Variants in NELL2 observed in about 807,000 individuals in gnomAD.
The protein encoded by NELL2 is protein kinase C-binding protein NELL2.
A neutral mutation model predicts 109.6 loss-of-function variants in NELL2; 41 were observed. That is an observed-to-expected ratio of 0.37 (90% CI 0.29 to 0.49). NELL2 has a LOEUF of 0.49. Among genes scored for constraint, NELL2 ranks in the 20% least tolerant of loss-of-function variants. The pLI is 0.98. For missense variants in NELL2, 900 were observed against 1,008.3 expected, an observed-to-expected ratio of 0.89 and a Z score of 1.45; for synonymous variants, 355 against 344.7, an observed-to-expected ratio of 1.03 and a Z score of -0.33.
rs755115938 is a variant in NELL2, at chr12:44,876,100, C to G, written c.-231G>C. 9.7e-6 allele frequency: 13 copies of G among 1,334,914 alleles called. No homozygotes were observed. The Admixed American group carries it at 1.6e-4, about 16-fold the overall frequency. The allele number at this position is 1,334,914 out of a possible 1,614,324, so 82.7% of individuals were successfully genotyped here. A position where few individuals can be genotyped will look rare whatever the true frequency, so the allele number is the denominator to read the frequency against. ...CGCACATCATTCCCACACGCAGGGC[C>G]GAGGCGGCAGCGCGGCCCGGAGGGG... On this transcript the variant is annotated 5_prime_UTR_variant, in exon 1 of 20. Coordinates refer to ENST00000429094, the MANE Select transcript of NELL2 (RefSeq NM_001145108.2).
chr12:44,608,158 G>T (rs188603224), intron 14 of NELL2, among the ~76,000 whole-genome samples: 22 of 152,194 alleles, frequency 1.4e-4, no homozygotes, highest in African/African-American at 5.3e-4. Flanking sequence ...TCCTCAGCCT[G>T]ACAAAGTCTA....
chr12:44,552,806 G>A (rs1410176876), intron 15 of NELL2, among the ~76,000 whole-genome samples: 1 of 152,000 alleles, frequency 6.6e-6, no homozygotes, highest in Non-Finnish European at 1.5e-5. Context: ...TAAAGTTGTT[G>A]CTGTGACTTT....
chr12:44,543,916 T>A (rs1942683980), intron 15 of NELL2, among the ~76,000 whole-genome samples: 1 of 152,130 alleles, frequency 6.6e-6, no homozygotes, highest in Admixed American at 6.6e-5. Context: ...ATACTACTTG[T>A]CTGTCTAGTA....
intron 2 of NELL2, among the ~76,000 whole-genome samples, chr12:44,833,610 G>T (rs978073238): frequency 2.6e-5 from 4 of 152,126 alleles, no homozygotes; most frequent in Admixed American, 2.0e-4. Flanking sequence ...GAAATTCAAT[G>T]AATTTTCTTT....
chr12:44,761,540 T>C (rs1022663994), intron 9 of NELL2, among the ~76,000 whole-genome samples: 1 of 152,070 alleles, frequency 6.6e-6, no homozygotes. Flanking sequence ...TCTACCTAAA[T>C]GAAAAGAAAT....
Position 44,522,078 on chromosome 12 carries a change from C to T in NELL2, c.2097G>A (p.Gln699=). Residue 699 remains glutamine (Q), a synonymous_variant, in exon 18 of 20, where the codon CAG becomes CAA. Coordinates refer to ENST00000429094, the MANE Select transcript of NELL2 (RefSeq NM_001145108.2). ...AAGTTTCCCCATTTTGATGGAGGCA[C>T]TGACTACTAAGCCTTGGGTCACATT... is the stretch of plus-strand genomic sequence containing the variant. The part of the protein sequence containing the change: ...CPECDPRLSS[Q]CLHQNGETLY... 6.2e-7 allele frequency: 1 copy of T among 1,614,130 alleles called. No individual in the cohort carries two copies. The highest frequency in any genetic ancestry group is 1.1e-5 in the South Asian group (1 of 91,074).
At position 44,908,170 on chromosome 12, in the gene NELL2, T is replaced by C. The variant is rs140028689; in HGVS notation, c.38+5629A>G. On this transcript the variant is annotated intron_variant, in intron 1 of 20. Coordinates refer to the NELL2 transcript ENST00000333837. ...TGGCTAGGAAGCATTAAAAGTCTAC[T>C]TGAGTTTAGTGATCAATAATTTGAA... Among the ~76,000 whole-genome samples the C allele has an allele frequency of 5.8e-3, 877 of 152,052 alleles. 5 individuals are homozygous for C. Among genetic ancestry groups the C allele is most frequent in the African/African-American group, 0.02 (844 of 41,500 alleles).
intron 9 of NELL2, among the ~76,000 whole-genome samples, chr12:44,725,806 T>C (rs1013456701): frequency 2.0e-5 from 3 of 152,040 alleles, no homozygotes; most frequent in Non-Finnish European, 4.4e-5. Flanking sequence ...CGATAAGAAC[T>C]TATGAACACA....
chr12:44,592,380 A>G (rs1019316177), intron 15 of NELL2, among the ~76,000 whole-genome samples: 2 of 152,216 alleles, frequency 1.3e-5, no homozygotes, highest in Non-Finnish European at 2.9e-5. Flanking sequence ...ATAATAAAGG[A>G]AAAGGTCTTG....
chr12:44,692,496 C>A (rs967394089), intron 12 of NELL2, among the ~76,000 whole-genome samples: 1 of 152,086 alleles, frequency 6.6e-6, no homozygotes, highest in African/African-American at 2.4e-5. Context: ...GTCATTTAGA[C>A]TTTCTAGTCT....
At chr12:44,724,135 A>G (rs780300243) in intron 9 of NELL2, among the ~76,000 whole-genome samples, 2 of 151,782 alleles carry the variant, frequency 1.3e-5, no homozygotes, top group African/African-American at 2.4e-5. Flanking sequence ...ACAACCTAAC[A>G]CGAGATCAGA....
chr12:44,528,431 A>G (rs1941902787), intron 16 of NELL2, among the ~76,000 whole-genome samples: 1 of 152,166 alleles, frequency 6.6e-6, no homozygotes, highest in Non-Finnish European at 1.5e-5. Flanking sequence ...TATCCTGATC[A>G]TTATTATGTA....
Position 44,522,002 on chromosome 12 carries a change from A to G in NELL2, c.2173T>C (p.Leu725=). ...WVQNCQQCRC[L]QGEVDCWPLP... ...CCACTTCATGTAGCTAAATTTACCA[A>G]GCAGCGGCACTGTTGACAATTCTGG... Residue 725 remains leucine, a splice_region_variant and synonymous_variant, in exon 18 of 20, where the codon TTG becomes CTG. Transcript: ENST00000429094. 1 of 1,611,896 alleles carries G rather than the reference A, an allele frequency of 6.2e-7. No homozygotes were observed. Among genetic ancestry groups the G allele is most frequent in the Non-Finnish European group, 8.5e-7 (1 of 1,179,378 alleles).
intron 15 of NELL2, among the ~76,000 whole-genome samples, chr12:44,547,534 T>G (rs1410341734): frequency 6.6e-6 from 1 of 152,238 alleles, no homozygotes; most frequent in Non-Finnish European, 1.5e-5. Context: ...ATATTACAGA[T>G]AGTTTTTATT....
At chr12:44,523,557 T>C in intron 16 of NELL2, 73 bp from the exon 17 acceptor site, 1 of 1,314,916 alleles carries the variant, frequency 7.6e-7, no homozygotes, top group Non-Finnish European at 1.1e-6. Flanking sequence ...ATCAGGCCAG[T>C]TGTCTCCTGA....
chr12:44,671,691 T>C (rs998475852), intron 12 of NELL2, among the ~76,000 whole-genome samples: 3 of 152,116 alleles, frequency 2.0e-5, no homozygotes, highest in African/African-American at 7.2e-5. Context: ...CCTGGACACA[T>C]ACAACCTACC....
At position 44,738,851 on chromosome 12, in the gene NELL2, A is replaced by G. The variant is rs144065812; in HGVS notation, c.995-24110T>C. Among the ~76,000 whole-genome samples the G allele has an allele frequency of 7.6e-3, 1,155 of 152,326 alleles. 12 individuals carry two copies. The highest frequency in any genetic ancestry group is 0.026 in the African/African-American group (1,100 of 41,570). On this transcript the variant is annotated intron_variant, in intron 9 of 19. Transcript: ENST00000429094. Reference sequence around the variant, plus strand: ...AAAAAGGTAAATATGTGAGGTGACAAGTTAATAAGCTGAATTAGTGAATCA... The same window carrying G: ...AAAAAGGTAAATATGTGAGGTGACAGGTTAATAAGCTGAATTAGTGAATCA...
upstream of NELL2, among the ~76,000 whole-genome samples, chr12:44,917,338 C>A (rs1045843692): frequency 2.0e-5 from 3 of 152,210 alleles, no homozygotes; most frequent in Non-Finnish European, 4.4e-5. Context: ...CCAGCCCAAC[C>A]ACTTCCTAAG....
At chr12:44,761,474 T>C (rs1724623303) in intron 9 of NELL2, among the ~76,000 whole-genome samples, 2 of 152,152 alleles carry the variant, frequency 1.3e-5, no homozygotes, top group Admixed American at 6.5e-5. Flanking sequence ...TATGGAGATT[T>C]CTCAAAGAAC....
Sources: gnomAD v4.1 joint callset for allele counts (sites outside exome capture counted in the v4.1 genomes callset) on GRCh38, gnomAD v4.1.1 for gene constraint, MANE v1.5 for transcripts, NCBI Gene and HGNC (gene_info 2026-07-23, HGNC 2026-07-21) for gene names.